Variants in SPATA6 observed in about 807,000 individuals in gnomAD.
SPATA6 encodes the protein spermatogenesis-associated protein 6.
In SPATA6, 56 loss-of-function variants were observed where a neutral mutation model predicts 65.3. The observed-to-expected ratio is 0.86, with a 90% confidence interval of 0.69 to 1.07. SPATA6 has a LOEUF of 1.07. SPATA6 is among the 50% of genes least tolerant of loss of function. The pLI, the probability that SPATA6 is intolerant of heterozygous loss-of-function variation, is 0.00. For synonymous variants in SPATA6, 199 were observed against 213.2 expected, an observed-to-expected ratio of 0.93 and a Z score of 0.58; for missense variants, 590 against 594.8, an observed-to-expected ratio of 0.99 and a Z score of 0.08.
chr1:48,299,754 C>T (rs1419857037), intron 12 of SPATA6, among the ~76,000 whole-genome samples: 5 of 152,060 alleles, frequency 3.3e-5, no homozygotes, highest in African/African-American at 1.2e-4. Context: ...CATTTTACAA[C>T]ACATAGAAGT....
chr1:48,348,204 C>G (rs1211386468), intron 11 of SPATA6, among the ~76,000 whole-genome samples: 1 of 151,992 alleles, frequency 6.6e-6, no homozygotes, highest in Admixed American at 6.6e-5. Context: ...AAGCAAGTCA[C>G]TAAGTCCAGT....
chr1:48,267,680 G>A, the SPATA6 span, among the ~76,000 whole-genome samples: 9 of 150,752 alleles, frequency 6.0e-5, no homozygotes, highest in Admixed American at 1.3e-4. Flanking sequence ...ATATCCAGCC[G>A]CCTGTGTGTG....
intron 1 of SPATA6, among the ~76,000 whole-genome samples, chr1:48,463,972 A>G (rs1338793651): frequency 6.6e-6 from 1 of 152,054 alleles, no homozygotes; most frequent in Non-Finnish European, 1.5e-5. Flanking sequence ...CTATGAAAGC[A>G]TTATTATATA....
intron 3 of SPATA6, among the ~76,000 whole-genome samples, chr1:48,434,159 G>A (rs1037714582): frequency 1.3e-5 from 2 of 151,616 alleles, no homozygotes; most frequent in South Asian, 4.2e-4. Context: ...GGTAATGAGA[G>A]GCAGTTATAT....
chr1:48,268,239 A>C, the SPATA6 span, among the ~76,000 whole-genome samples: 1 of 151,958 alleles, frequency 6.6e-6, no homozygotes. Context: ...CCCCCATCCC[A>C]TATCATTATC....
intron 11 of SPATA6, among the ~76,000 whole-genome samples, chr1:48,309,973 T>G (rs1052401474): frequency 6.6e-6 from 1 of 152,206 alleles, no homozygotes; most frequent in African/African-American, 2.4e-5. Flanking sequence ...AAGGGCCTTC[T>G]TGTCTTTTCT....
intron 6 of SPATA6, among the ~76,000 whole-genome samples, chr1:48,400,253 T>A (rs1300775024): frequency 6.6e-6 from 1 of 151,946 alleles, no homozygotes; most frequent in African/African-American, 2.4e-5. Context: ...CAGATAAACA[T>A]ACCATCTTAA....
chr1:48,342,406 A>G (rs112703150), intron 11 of SPATA6, among the ~76,000 whole-genome samples: 3,741 of 152,072 alleles, frequency 0.025, 97 homozygotes, highest in African/African-American at 0.067. Flanking sequence ...ACAAGGTCAG[A>G]AGATCGAGAC....
intron 11 of SPATA6, among the ~76,000 whole-genome samples, chr1:48,347,034 T>C (rs1057094184): frequency 2.0e-5 from 3 of 151,488 alleles, no homozygotes; most frequent in African/African-American, 7.3e-5. Flanking sequence ...AAGAACAAAG[T>C]CAGAGGTAAC....
At chr1:48,471,836 C>G (rs1658278603) in intron 1 of SPATA6, 122 bp downstream of exon 1, 1 of 1,205,568 alleles carries the variant, frequency 8.3e-7, no homozygotes. Flanking sequence ...GGCGTGAGGT[C>G]GACGCTCCCT....
intron 11 of SPATA6, among the ~76,000 whole-genome samples, chr1:48,346,293 C>T (rs1001404941): frequency 6.6e-6 from 1 of 152,046 alleles, no homozygotes; most frequent in African/African-American, 2.4e-5. Context: ...CCTGTTAAAA[C>T]TCTCAATAAA....
At chr1:48,367,417 T>A (rs1325268526) in intron 9 of SPATA6, among the ~76,000 whole-genome samples, 3 of 152,154 alleles carry the variant, frequency 2.0e-5, no homozygotes, top group Admixed American at 6.5e-5. Context: ...CCCATTATTA[T>A]TGTGTGGGAG....
At chr1:48,351,157 T>C (rs1307192675) in intron 11 of SPATA6, among the ~76,000 whole-genome samples, 1 of 151,984 alleles carries the variant, frequency 6.6e-6, no homozygotes, top group Non-Finnish European at 1.5e-5. Context: ...TTTCAATTGC[T>C]CATTGCTGGT....
intron 1 of SPATA6, among the ~76,000 whole-genome samples, chr1:48,471,748 T>G (rs919123420): frequency 9.8e-5 from 15 of 152,292 alleles, no homozygotes; most frequent in Admixed American, 9.8e-4. Context: ...GAAGCCAGCA[T>G]AGCGGAGCAG....
chr1:48,322,332 A>G (rs747510265), intron 11 of SPATA6, among the ~76,000 whole-genome samples: 2 of 152,116 alleles, frequency 1.3e-5, no homozygotes, highest in African/African-American at 2.4e-5. Context: ...GATTCCCTAT[A>G]TAATAAATGG....
At chr1:48,333,786 C>T (rs987303463) in intron 11 of SPATA6, among the ~76,000 whole-genome samples, 6 of 151,860 alleles carry the variant, frequency 4.0e-5, no homozygotes, top group Admixed American at 6.6e-5. Flanking sequence ...AAAGAATAAC[C>T]GAAATCAGAG....
At chr1:48,411,678 G>A in intron 4 of SPATA6, 90 bp from the exon 5 acceptor site, 1 of 1,133,746 alleles carries the variant, frequency 8.8e-7, no homozygotes. Flanking sequence ...ACTGCCTGAT[G>A]CCTTATTGAA....
chr1:48,366,584 G>C (rs1465893470), intron 9 of SPATA6, among the ~76,000 whole-genome samples: 3 of 152,200 alleles, frequency 2.0e-5, no homozygotes, highest in African/African-American at 7.2e-5. Flanking sequence ...TATTTGCGTA[G>C]AGGTGTTTGT....
chr1:48,399,983 C>T (rs537445362), intron 6 of SPATA6, among the ~76,000 whole-genome samples: 10 of 151,736 alleles, frequency 6.6e-5, no homozygotes, highest in Admixed American at 6.6e-4. Flanking sequence ...ACATTGGTTA[C>T]ATATATATTT....
Sources: gnomAD v4.1 joint callset for allele counts (sites outside exome capture counted in the v4.1 genomes callset) on GRCh38, gnomAD v4.1.1 for gene constraint, MANE v1.5 for transcripts, NCBI Gene and HGNC (gene_info 2026-07-23, HGNC 2026-07-21) for gene names.